The following DOCK4 variants were observed in gnomAD, a reference collection of about 807,000 sequenced individuals.
DOCK4 encodes the protein dedicator of cytokinesis protein 4.
DOCK4 carries 97 observed loss-of-function variants against 268.1 expected under a neutral mutation model. The observed-to-expected ratio is 0.36, with a 90% CI of 0.31 to 0.43. The LOEUF is 0.43. DOCK4 is among the 20% of genes least tolerant of loss of function. The pLI, the probability that DOCK4 is intolerant of heterozygous loss-of-function variation, is 1.00. For synonymous variants in DOCK4, 954 were observed against 887.2 expected, an observed-to-expected ratio of 1.08 and a Z score of -1.34; for missense variants, 2,145 against 2,455.7, an observed-to-expected ratio of 0.87 and a Z score of 2.67.
At chr7:111,921,311 G>A (rs1265276747) in intron 12 of DOCK4, among the ~76,000 whole-genome samples, 1 of 152,166 alleles carries the variant, frequency 6.6e-6, no homozygotes, top group Non-Finnish European at 1.5e-5. Flanking sequence ...CGAAAGAAAG[G>A]CTTGGTATCT....
intron 9 of DOCK4, 66 bp downstream of exon 9, chr7:111,945,651 T>C: frequency 7.6e-7 from 1 of 1,321,860 alleles, no homozygotes; most frequent in Non-Finnish European, 1.0e-6. Flanking sequence ...AGTAATTTAT[T>C]TCTCCTAAAT....
chr7:112,095,324 G>A (rs1181250539), intron 1 of DOCK4, among the ~76,000 whole-genome samples: 1 of 152,214 alleles, frequency 6.6e-6, no homozygotes, highest in Non-Finnish European at 1.5e-5. Flanking sequence ...AGAAGTTGGG[G>A]AGGGTAAGGG....
At chr7:112,188,105 C>T (rs1819624788) in intron 1 of DOCK4, among the ~76,000 whole-genome samples, 1 of 152,166 alleles carries the variant, frequency 6.6e-6, no homozygotes, top group African/African-American at 2.4e-5. Flanking sequence ...ATTAACAGAA[C>T]CAAGTACTAT....
intron 8 of DOCK4, among the ~76,000 whole-genome samples, chr7:111,963,137 A>C (rs1797066691): frequency 6.6e-6 from 1 of 152,220 alleles, no homozygotes; most frequent in South Asian, 2.1e-4. Context: ...GTTATAAGGG[A>C]GGTAGTCAAC....
In DOCK4 at chr7:112,201,726, T is replaced by C. The variant is rs538504125; in HGVS notation, c.37+4376A>G. ...AGGAGGTAGAGGTAATCTGAGGAAA[T>C]TGGTGAGTATGCGATCAAGAATGCT... On this transcript the variant is annotated intron_variant, in intron 1 of 52. Coordinates refer to ENST00000428084, the MANE Select transcript of DOCK4 (RefSeq NM_001363540.2). 3.3e-5 allele frequency among the ~76,000 whole-genome samples: 5 copies of C among 152,156 alleles called. No individual in the cohort carries two copies. The South Asian group carries it at 8.3e-4, about 25-fold the overall frequency.
rs369341986 is a variant in DOCK4, at chr7:112,165,559, T to TGCGC, written c.37+40542_37+40543insGCGC. ...GTGTGTGTGTGTGTGTGTGTGTGTG[T>TGCGC]GCGTGTGTGTGTGTATCCCATTTCT... On this transcript the variant is annotated intron_variant, in intron 1 of 52. Coordinates refer to ENST00000428084, the MANE Select transcript of DOCK4 (RefSeq NM_001363540.2). Among the ~76,000 whole-genome samples, 319 of 148,254 alleles carry TGCGC rather than the reference T, an allele frequency of 2.2e-3. 4 individuals carry two copies. Among genetic ancestry groups the TGCGC allele is most frequent in the East Asian group, 0.019 (94 of 4,978 alleles).
At chr7:112,080,451 A>G (rs1808478319) in intron 1 of DOCK4, among the ~76,000 whole-genome samples, 1 of 152,192 alleles carries the variant, frequency 6.6e-6, no homozygotes, top group African/African-American at 2.4e-5. Flanking sequence ...TTCATGTAGG[A>G]TGATTTCTTG....
intron 12 of DOCK4, among the ~76,000 whole-genome samples, chr7:111,930,118 C>T (rs560901314): frequency 6.6e-6 from 1 of 152,310 alleles, no homozygotes; most frequent in South Asian, 2.1e-4. Flanking sequence ...TTCAAATTCT[C>T]ACAACATTGC....
chr7:111,735,593 T>G (rs557729128), intron 50 of DOCK4, among the ~76,000 whole-genome samples: 1 of 152,354 alleles, frequency 6.6e-6, no homozygotes, highest in Admixed American at 6.5e-5. Context: ...GCAGAATTCT[T>G]GGGAAAGAAC....
At chr7:111,872,233 AAC>A in intron 19 of DOCK4, 34 bp downstream of exon 19, 1 of 1,450,442 alleles carries the variant, frequency 6.9e-7, no homozygotes, top group East Asian at 2.5e-5. Context: ...TGAGAGACAA[AAC>A]AGTTAAAATA....
intron 12 of DOCK4, among the ~76,000 whole-genome samples, chr7:111,934,523 G>GTTTTTTTTTTTTTTT (rs1183672033): frequency 2.1e-4 from 18 of 83,872 alleles, no homozygotes; most frequent in African/African-American, 4.8e-4. Flanking sequence ...TTTTGTTTTT[G>GTTTTTTTTTTTTTTT]TTTTTTTTTT....
rs370255373 is a variant in DOCK4, at chr7:111,742,174, A to G, written c.4678-42T>C. 4.0e-6 allele frequency: 6 copies of G among 1,516,816 alleles called. No individual in the cohort carries two copies. The African/African-American group carries it at 7.0e-5, about 18-fold the overall frequency. The allele number at this position is 1,516,816 out of a possible 1,614,324, so 94.0% of individuals were successfully genotyped here. A position where few individuals can be genotyped will look rare whatever the true frequency, so the allele number is the denominator to read the frequency against. On this transcript the variant is annotated intron_variant, in intron 44 of 52. Coordinates refer to ENST00000428084, the MANE Select transcript of DOCK4 (RefSeq NM_001363540.2). Reference sequence around the variant, plus strand: ...AGGAAAAAACCTCACATCAATGACTACCTCTCACTAAGTGCCTGCTATGGG... The same window carrying G: ...AGGAAAAAACCTCACATCAATGACTGCCTCTCACTAAGTGCCTGCTATGGG...
intron 7 of DOCK4, among the ~76,000 whole-genome samples, chr7:111,981,719 A>C (rs1176285079): frequency 6.6e-6 from 1 of 152,138 alleles, no homozygotes; most frequent in Non-Finnish European, 1.5e-5. Context: ...TCATCTGTAA[A>C]ATGAAGACTT....
chr7:111,978,862 A>G (rs1798397345), intron 7 of DOCK4, among the ~76,000 whole-genome samples: 1 of 152,238 alleles, frequency 6.6e-6, no homozygotes, highest in Non-Finnish European at 1.5e-5. Context: ...ACACTGATTC[A>G]GGATAAGAGT....
At chr7:111,962,770 G>T (rs941644729) in intron 8 of DOCK4, among the ~76,000 whole-genome samples, 2 of 152,122 alleles carry the variant, frequency 1.3e-5, no homozygotes, top group Non-Finnish European at 1.5e-5. Context: ...AGTATTTCAA[G>T]AAAAATGGAG....
chr7:111,852,504 GA>G (rs201775481), intron 23 of DOCK4, among the ~76,000 whole-genome samples: 4,222 of 111,828 alleles, frequency 0.038, 135 homozygotes, highest in South Asian at 0.14. Context: ...AAAAGAACCA[GA>G]AAAAAAAAAA....
Position 111,741,553 on chromosome 7 carries a change from T to C in DOCK4, c.4906A>G (p.Ile1636Val). The C allele has an allele frequency of 6.2e-7, 1 of 1,613,188 alleles. No homozygotes were observed. Among genetic ancestry groups the C allele is most frequent in the Admixed American group, 1.7e-5 (1 of 59,900 alleles). The change falls in exon 46 of 53, where the codon ATT becomes GTT. Residue 1636 changes from isoleucine to valine, a missense_variant. By Grantham distance (29) the Ile-to-Val change is conservative (BLOSUM62 3). This residue lies in a region of DOCK4 where 547 missense variants were observed against 469.0 expected (regional missense o/e 1.17). Coordinates refer to ENST00000428084, the MANE Select transcript of DOCK4 (RefSeq NM_001363540.2). ...AATATGACTTACCTGCGTCTAGGAA[T>C]TACCCTGGTACCATCTGGGCTCACA... ...ASVSPDGTRV[I>V]PRRSPLSYPA... is the part of the protein sequence containing the mutation.
chr7:112,051,312 C>T (rs1350038796), intron 1 of DOCK4, among the ~76,000 whole-genome samples: 1 of 152,024 alleles, frequency 6.6e-6, no homozygotes, highest in Non-Finnish European at 1.5e-5. Flanking sequence ...AGGTAGGACA[C>T]TTCAACAGCA....
At chr7:112,129,574 T>C (rs727645) in intron 1 of DOCK4, among the ~76,000 whole-genome samples, 44,381 of 152,076 alleles carry the variant, frequency 0.29, 7,501 homozygotes, top group Non-Finnish European at 0.38. Context: ...AACAACAATG[T>C]ACCAATTTTA....
Sources: gnomAD v4.1 joint callset for allele counts (sites outside exome capture counted in the v4.1 genomes callset) on GRCh38, gnomAD v4.1.1 for gene constraint, gnomAD v4.1.1 regional missense constraint, MANE v1.5 for transcripts, NCBI Gene and HGNC (gene_info 2026-07-23, HGNC 2026-07-21) for gene names.